TXNDC16: variants seen among roughly 807,000 people sequenced by gnomAD.
TXNDC16 encodes the protein thioredoxin domain containing 16.
In TXNDC16, 74 loss-of-function variants were observed where a neutral mutation model predicts 85.6. The observed-to-expected ratio is 0.86, with a 90% confidence interval of 0.72 to 1.05. TXNDC16 has a LOEUF of 1.05. TXNDC16 is among the 50% of genes least tolerant of loss of function. The probability of loss-of-function intolerance (pLI) is 0.00; values close to 1 mark genes in which losing one functional copy is unlikely to be tolerated. For synonymous variants in TXNDC16, 335 were observed against 326.5 expected, an observed-to-expected ratio of 1.03 and a Z score of -0.28; for missense variants, 959 against 947.0, an observed-to-expected ratio of 1.01 and a Z score of -0.17.
chr14:52,436,781 T>C (rs986265917), intron 20 of TXNDC16, among the ~76,000 whole-genome samples: 4 of 152,206 alleles, frequency 2.6e-5, no homozygotes, highest in Admixed American at 2.6e-4. Context: ...TGACATAATA[T>C]TGAATGAGAA....
Position 52,536,862 on chromosome 14 carries a change from T to C in TXNDC16, c.318-69A>G, listed in dbSNP as rs1283941444. 4.5e-6 allele frequency: 6 copies of C among 1,328,590 alleles called. No individual in the cohort carries two copies. The Admixed American group carries it at 6.0e-5, about 13-fold the overall frequency. 82.3% of individuals were successfully genotyped at this position (1,328,590 alleles called of 1,614,324 possible). A position where few individuals can be genotyped will look rare whatever the true frequency, so the allele number is the denominator to read the frequency against. On this transcript the variant is annotated intron_variant, in intron 5 of 20. Transcript: ENST00000281741. ...AATATTTCCTTAGAATTCAATTTACTTGTCTATCAAATACATTAGCTTATA... is the reference window on the plus strand; with the variant it reads ...AATATTTCCTTAGAATTCAATTTACCTGTCTATCAAATACATTAGCTTATA...
intron 6 of TXNDC16, among the ~76,000 whole-genome samples, chr14:52,521,168 A>C (rs1314649642): frequency 3.3e-5 from 5 of 151,930 alleles, no homozygotes; most frequent in African/African-American, 1.2e-4. Flanking sequence ...GCTAGAGTGC[A>C]GTGGCACGAT....
intron 6 of TXNDC16, among the ~76,000 whole-genome samples, chr14:52,521,466 G>A (rs1048323523): frequency 2.0e-5 from 3 of 152,042 alleles, no homozygotes; most frequent in Admixed American, 6.6e-5. Flanking sequence ...CTAAATAGAA[G>A]ACAGCTGGAT....
intron 5 of TXNDC16, among the ~76,000 whole-genome samples, chr14:52,537,071 C>CACACACACAT (rs1491401836): frequency 3.1e-5 from 1 of 32,714 alleles, no homozygotes; most frequent in East Asian, 2.9e-3. Context: ...AACTCACAAT[C>CACACACACAT]ACACACACAC....
In TXNDC16 at chr14:52,490,688, T is replaced by A. The variant is rs545146588; in HGVS notation, c.923+151A>T. 154 of 880,398 alleles carry A rather than the reference T, an allele frequency of 1.7e-4. No homozygotes were observed. The African/African-American group carries it at 2.6e-3, about 15-fold the overall frequency. The allele number at this position is 880,398 out of a possible 1,614,324, so 54.5% of individuals were successfully genotyped here. A position where few individuals can be genotyped will look rare whatever the true frequency, so the allele number is the denominator to read the frequency against. On this transcript the variant is annotated intron_variant, in intron 10 of 20. Transcript: ENST00000281741. ...TAAGTTTTAATCAACCTTAAATGAA[T>A]GTACAGATTTTAGCTCAGCAACTAG...
intron 9 of TXNDC16, among the ~76,000 whole-genome samples, chr14:52,492,225 C>G (rs990834319): frequency 1.3e-5 from 2 of 152,148 alleles, no homozygotes; most frequent in South Asian, 4.1e-4. Context: ...ACCCCAGGTC[C>G]CTTTCCACTC....
intron 6 of TXNDC16, among the ~76,000 whole-genome samples, chr14:52,526,169 T>C (rs1310771824): frequency 6.6e-6 from 1 of 152,176 alleles, no homozygotes; most frequent in Admixed American, 6.5e-5. Flanking sequence ...CCACTCAATT[T>C]TACCACTTTT....
chr14:52,466,081 T>C (rs2035765845), intron 16 of TXNDC16, among the ~76,000 whole-genome samples: 1 of 151,994 alleles, frequency 6.6e-6, no homozygotes. Context: ...AATGAAGGAT[T>C]TTCTTTCAAA....
intron 7 of TXNDC16, among the ~76,000 whole-genome samples, chr14:52,517,704 C>G (rs986120902): frequency 2.6e-5 from 4 of 152,052 alleles, no homozygotes; most frequent in African/African-American, 7.2e-5. Context: ...TCCACCAACT[C>G]CCCCCTTTTT....
chr14:52,459,864 C>T (rs2035614637), intron 16 of TXNDC16, among the ~76,000 whole-genome samples: 1 of 152,094 alleles, frequency 6.6e-6, no homozygotes, highest in Admixed American at 6.5e-5. Context: ...TAAAATACCC[C>T]TTCATGTTAA....
intron 7 of TXNDC16, 30 bp downstream of exon 7, chr14:52,519,142 G>A (rs200219790): frequency 1.3e-6 from 2 of 1,596,380 alleles, no homozygotes; most frequent in African/African-American, 1.3e-5. Flanking sequence ...CAGAGGCACA[G>A]CAAAGATTAA....
intron 6 of TXNDC16, among the ~76,000 whole-genome samples, chr14:52,534,657 A>G (rs2037659059): frequency 6.6e-6 from 1 of 152,074 alleles, no homozygotes; most frequent in Admixed American, 6.5e-5. Context: ...CATTCTAGAC[A>G]TGAATAACTA....
rs951483754 is a variant in TXNDC16 at position 52,525,567 on chromosome 14, G to A, written c.393-6274C>T. Among the ~76,000 whole-genome samples the A allele has an allele frequency of 7.3e-5, 11 of 150,602 alleles. 1 individual carries two copies. The highest frequency in any genetic ancestry group is 4.2e-4 in the South Asian group (2 of 4,746). ...AAAAAAATTAGCCAGGTATGGTGGC[G>A]CATGCCTGTAATCCCAGCTACTCAG... On this transcript the variant is annotated intron_variant, in intron 6 of 20. Coordinates refer to ENST00000281741, the MANE Select transcript of TXNDC16 (RefSeq NM_020784.3).
intron 18 of TXNDC16, among the ~76,000 whole-genome samples, chr14:52,448,964 A>G (rs2035345992): frequency 1.3e-5 from 2 of 152,098 alleles, no homozygotes; most frequent in African/African-American, 4.8e-5. Context: ...AAATACACAC[A>G]AAAAAATTTT....
chr14:52,494,540 T>G (rs940548991), intron 9 of TXNDC16, among the ~76,000 whole-genome samples: 15 of 151,250 alleles, frequency 9.9e-5, no homozygotes, highest in African/African-American at 3.4e-4. Context: ...AAAATGCCTG[T>G]TTTTTTTTCC....
chr14:52,541,457 G>A (rs536618417), intron 4 of TXNDC16, among the ~76,000 whole-genome samples: 14 of 152,228 alleles, frequency 9.2e-5, no homozygotes, highest in African/African-American at 3.4e-4. Flanking sequence ...GGAGATGATT[G>A]CCATTATCAT....
At chr14:52,522,794 T>C (rs761843027) in intron 6 of TXNDC16, among the ~76,000 whole-genome samples, 1 of 152,196 alleles carries the variant, frequency 6.6e-6, no homozygotes, top group East Asian at 1.9e-4. Context: ...CTTAAGCCAG[T>C]CAGACCCAGA....
chr14:52,500,106 C>A lies in TXNDC16; in HGVS notation c.757-9101G>T, dbSNP rs114842891. Among the ~76,000 whole-genome samples the A allele has an allele frequency of 3.7e-3, 557 of 152,232 alleles. 5 individuals are homozygous for A. Among genetic ancestry groups the A allele is most frequent in the African/African-American group, 0.013 (537 of 41,534 alleles). ...ACTACCATATGATCCAGCAATCCCA[C>A]TTCTGGGTATATTTTCAAAAGAATG... On this transcript the variant is annotated intron_variant, in intron 9 of 20. Transcript: ENST00000281741.
chr14:52,479,683 A>C, intron 14 of TXNDC16, among the ~76,000 whole-genome samples: 1 of 152,180 alleles, frequency 6.6e-6, no homozygotes. Context: ...GACACAAACA[A>C]ATGGAAACAC....
Sources: gnomAD v4.1 joint callset for allele counts (sites outside exome capture counted in the v4.1 genomes callset) on GRCh38, gnomAD v4.1.1 for gene constraint, MANE v1.5 for transcripts, NCBI Gene and HGNC (gene_info 2026-07-23, HGNC 2026-07-21) for gene names.